The following PARM1 variants were observed in gnomAD, a reference collection of about 807,000 sequenced individuals.
PARM1 encodes prostate androgen-regulated mucin-like protein 1, also known as WSC4, cell wall integrity and stress response component 4 homolog.
Under a neutral mutation model 24.6 loss-of-function variants are expected in PARM1, and 14 were observed. That is an observed-to-expected ratio of 0.57 (90% CI 0.38 to 0.89). The LOEUF (loss-of-function observed/expected upper bound fraction) is 0.89, where lower values mean the gene tolerates loss of function less well. Ranked by LOEUF, PARM1 falls within the 40% of genes least tolerant of loss-of-function variation. The pLI is 0.00. For synonymous variants in PARM1, 179 were observed against 156.6 expected, an observed-to-expected ratio of 1.14 and a Z score of -1.07; for missense variants, 362 against 380.4, an observed-to-expected ratio of 0.95 and a Z score of 0.40.
At chr4:74,957,928 A>C (rs903120041) in intron 1 of PARM1, among the ~76,000 whole-genome samples, 1 of 152,220 alleles carries the variant, frequency 6.6e-6, no homozygotes. Context: ...AGTGCTGCCC[A>C]TGCCTGGTGC....
intron 1 of PARM1, among the ~76,000 whole-genome samples, chr4:74,949,833 C>T (rs928492523): frequency 4.8e-5 from 7 of 146,786 alleles, no homozygotes; most frequent in African/African-American, 1.8e-4. Flanking sequence ...TGGCCTCTTA[C>T]TCTTTTTTTT....
intron 1 of PARM1, among the ~76,000 whole-genome samples, chr4:74,999,897 G>C (rs1042678320): frequency 1.3e-5 from 2 of 152,144 alleles, no homozygotes; most frequent in Non-Finnish European, 2.9e-5. Context: ...AACTGCCCCA[G>C]AAGTTTCTGG....
At chr4:75,004,026 C>A (rs890003370) in intron 1 of PARM1, among the ~76,000 whole-genome samples, 3 of 152,092 alleles carry the variant, frequency 2.0e-5, no homozygotes, top group African/African-American at 4.8e-5. Flanking sequence ...GAAAGGAAAT[C>A]CCTGCAGTCT....
Position 75,012,714 on chromosome 4 carries a change from A to AACAAGC in PARM1, c.334_339dup (p.Thr112_Ser113dup), listed in dbSNP as rs1175092269. On this transcript the variant is annotated inframe_insertion, in exon 2 of 4. Transcript: ENST00000307428. ...ACCCCTCACCTTCTGGGTTCTCGTCAACAAGCGGTGGAGTCCACTTAACAA... is the reference window on the plus strand; with the variant it reads ...ACCCCTCACCTTCTGGGTTCTCGTCAACAAGCACAAGCGGTGGAGTCCACTTAACAA... 1 of 1,613,984 alleles carries AACAAGC rather than the reference A, an allele frequency of 6.2e-7. No homozygotes were observed. Among genetic ancestry groups the AACAAGC allele is most frequent in the East Asian group, 2.2e-5 (1 of 44,878 alleles).
intron 1 of PARM1, among the ~76,000 whole-genome samples, chr4:74,992,309 A>G (rs1261771083): frequency 1.3e-5 from 2 of 152,196 alleles, no homozygotes; most frequent in Non-Finnish European, 2.9e-5. Flanking sequence ...TTCAAAATAA[A>G]ACGAAGAAAA....
Position 75,048,822 on chromosome 4 carries a change from ACTT to A in PARM1, c.*2579_*2581del, listed in dbSNP as rs1277506633. On this transcript the variant is annotated 3_prime_UTR_variant, in exon 4 of 4. Transcript: ENST00000307428. The stretch of plus-strand genomic sequence containing the variant: ...GACAGCTTCCCATAACAATTCTAAC[ACTT>A]CTTATCTTATGTGAGAATAAAATAT... The A allele has an allele frequency of 3.3e-5, 5 of 152,534 alleles. No individual in the cohort carries two copies. Among genetic ancestry groups the A allele is most frequent in the African/African-American group, 1.2e-4 (5 of 41,410 alleles). The allele number at this position is 152,534 out of a possible 1,614,324, so 9.4% of individuals were successfully genotyped here.
chr4:75,026,261 T>A (rs1723181689), intron 2 of PARM1, among the ~76,000 whole-genome samples: 1 of 152,138 alleles, frequency 6.6e-6, no homozygotes, highest in Non-Finnish European at 1.5e-5. Context: ...CCTAGACAAA[T>A]AATAAAGTAT....
chr4:74,974,983 C>G (rs749779551), intron 1 of PARM1, among the ~76,000 whole-genome samples: 10 of 152,072 alleles, frequency 6.6e-5, no homozygotes, highest in Non-Finnish European at 1.2e-4. Flanking sequence ...GAAATGTGGG[C>G]AAAAAATTTT....
At chr4:74,985,422 G>T (rs1216150025) in intron 1 of PARM1, among the ~76,000 whole-genome samples, 1 of 152,194 alleles carries the variant, frequency 6.6e-6, no homozygotes, top group African/African-American at 2.4e-5. Context: ...GCCCATGGAA[G>T]ACTGCCTTTC....
At chr4:74,937,201 CACATATATTA>C (rs1721212530) in intron 1 of PARM1, among the ~76,000 whole-genome samples, 1 of 152,188 alleles carries the variant, frequency 6.6e-6, no homozygotes, top group African/African-American at 2.4e-5. Flanking sequence ...AGCCTTATCA[CACATATATTA>C]AAATACACAA....
intron 1 of PARM1, among the ~76,000 whole-genome samples, chr4:74,977,933 A>G (rs1722170064): frequency 6.6e-6 from 1 of 152,234 alleles, no homozygotes; most frequent in African/African-American, 2.4e-5. Flanking sequence ...ATTAGTCACC[A>G]CCAGGCTTGC....
At chr4:74,978,828 T>C (rs1474633994) in intron 1 of PARM1, among the ~76,000 whole-genome samples, 2 of 152,100 alleles carry the variant, frequency 1.3e-5, no homozygotes, top group Non-Finnish European at 2.9e-5. Context: ...CACAATTTCA[T>C]CAAAATTGAA....
chr4:74,982,835 T>A (rs1722284078), intron 1 of PARM1, among the ~76,000 whole-genome samples: 1 of 152,250 alleles, frequency 6.6e-6, no homozygotes, highest in Non-Finnish European at 1.5e-5. Flanking sequence ...TTAGTCCTAA[T>A]TCTTTTTATA....
intron 1 of PARM1, among the ~76,000 whole-genome samples, chr4:74,960,757 A>T (rs1272552673): frequency 1.3e-5 from 2 of 152,042 alleles, no homozygotes; most frequent in Non-Finnish European, 2.9e-5. Context: ...GCTCAAAGAC[A>T]CAGCACTTTG....
intron 1 of PARM1, among the ~76,000 whole-genome samples, chr4:74,981,832 G>A (rs756445530): frequency 5.0e-5 from 7 of 140,032 alleles, no homozygotes; most frequent in Admixed American, 1.5e-4. Flanking sequence ...CCGAAATCGC[G>A]CCACTGCACA....
intron 1 of PARM1, among the ~76,000 whole-genome samples, chr4:75,011,062 T>C (rs79641840): frequency 2.6e-5 from 4 of 151,948 alleles, no homozygotes; most frequent in Non-Finnish European, 4.4e-5. Flanking sequence ...AGGTGCCACA[T>C]GTTTTAAACA....
At chr4:74,977,251 T>G (rs953879988) in intron 1 of PARM1, among the ~76,000 whole-genome samples, 1 of 152,124 alleles carries the variant, frequency 6.6e-6, no homozygotes, top group Admixed American at 6.6e-5. Flanking sequence ...ATAACCAGTT[T>G]AGAGAGGAAC....
intron 2 of PARM1, among the ~76,000 whole-genome samples, chr4:75,027,326 C>T (rs903750391): frequency 2.6e-5 from 4 of 152,024 alleles, no homozygotes; most frequent in Non-Finnish European, 4.4e-5. Context: ...CCATGGAGCT[C>T]ATTCGGGAGA....
chr4:75,040,567 A>G (rs1377526219), intron 3 of PARM1, among the ~76,000 whole-genome samples: 1 of 152,236 alleles, frequency 6.6e-6, no homozygotes, highest in Non-Finnish European at 1.5e-5. Flanking sequence ...TGCTGTCGTA[A>G]CTTTGGGTGA....
Sources: allele counts gnomAD v4.1 joint callset (sites outside exome capture counted in the v4.1 genomes callset), GRCh38; gene constraint gnomAD v4.1.1; transcripts MANE v1.5; gene names NCBI Gene and HGNC (gene_info 2026-07-23, HGNC 2026-07-21).